The following MYO7A variants were observed in gnomAD, a reference collection of about 807,000 sequenced individuals.
MYO7A encodes myosin VIIA.
Under a neutral mutation model 263.8 loss-of-function variants are expected in MYO7A, and 210 were observed. That is an observed-to-expected ratio of 0.80 (90% CI 0.71 to 0.89). The LOEUF (loss-of-function observed/expected upper bound fraction) is 0.89. Ranked by LOEUF, MYO7A falls within the 40% of genes least tolerant of loss-of-function variation. The pLI, the probability that MYO7A is intolerant of heterozygous loss-of-function variation, is 0.00. For synonymous variants in MYO7A, 1,239 were observed against 1,197.3 expected, an observed-to-expected ratio of 1.03 and a Z score of -0.72; for missense variants, 2,820 against 2,968.3, an observed-to-expected ratio of 0.95 and a Z score of 1.16.
In MYO7A at chr11:77,156,020, C is replaced by T. The variant is rs782665405; in HGVS notation, c.399C>T (p.His133=). The part of the protein sequence containing the change: ...TNKKIGEMPP[H]IFAIADNCYF... ...AGAAGATTGGGGAGATGCCCCCCCA[C>T]ATCTTTGCCATTGCTGACAACTGCT... Residue 133 remains histidine, a synonymous_variant, in exon 5 of 49, where the codon CAC becomes CAT. Coordinates refer to ENST00000409709, the MANE Select transcript of MYO7A (RefSeq NM_000260.4). The T allele has an allele frequency of 1.2e-6, 2 of 1,613,958 alleles. No individual in the cohort carries two copies. The highest frequency in any genetic ancestry group is 3.3e-5 in the Admixed American group (2 of 60,020).
intron 3 of MYO7A, among the ~76,000 whole-genome samples, chr11:77,143,394 T>A (rs1319531025): frequency 6.6e-6 from 1 of 152,242 alleles, no homozygotes; most frequent in Non-Finnish European, 1.5e-5. Flanking sequence ...ACTGTCCACC[T>A]TGACACTGCT....
chr11:77,140,401 C>T (rs1008314593), intron 2 of MYO7A, among the ~76,000 whole-genome samples: 1 of 152,256 alleles, frequency 6.6e-6, no homozygotes, highest in Non-Finnish European at 1.5e-5. Flanking sequence ...TTTGTCAGAC[C>T]TGGGCTTCAG....
rs547211442 is a variant in MYO7A at position 77,141,464 on chromosome 11, C to T, written c.19-1245C>T. Among the ~76,000 whole-genome samples, 3 of 152,076 alleles carry T rather than the reference C, an allele frequency of 2.0e-5. No homozygotes were observed. The South Asian group carries it at 6.2e-4, about 32-fold the overall frequency. ...TTATAAGTTGTTACATTTTTTTTTA[C>T]TTGATATTAAGTTATATTCTTATTA... On this transcript the variant is annotated intron_variant, in intron 2 of 48. Transcript: ENST00000409709.
chr11:77,207,580 C>G (rs1478840588), intron 42 of MYO7A, among the ~76,000 whole-genome samples, 178 bp downstream of exon 42: 1 of 152,196 alleles, frequency 6.6e-6, no homozygotes, highest in Admixed American at 6.5e-5. Context: ...CCAGCTCTCT[C>G]TCTTCTGAGG....
chr11:77,213,832 C>T (rs777202056), intron 47 of MYO7A, 28 bp from the exon 48 acceptor site: 4 of 1,613,870 alleles, frequency 2.5e-6, no homozygotes, highest in Non-Finnish European at 2.5e-6. Flanking sequence ...CCAGGCCGTG[C>T]CTCTCTATGC....
chr11:77,166,164 T>C lies in MYO7A; in HGVS notation c.1797+2T>C. On this transcript the variant is annotated splice_donor_variant, in intron 15 of 48. Coordinates refer to ENST00000409709, the MANE Select transcript of MYO7A (RefSeq NM_000260.4). LOFTEE classifies it high-confidence loss of function. ...ATCTTCCAGGCCGATGTCGCCATGG[T>C]AAGCCGGGTGCGGTTTCTGTTGTTC... 2 of 1,613,536 alleles carry C rather than the reference T, an allele frequency of 1.2e-6. No homozygotes were observed. Among genetic ancestry groups the C allele is most frequent in the Non-Finnish European group, 1.7e-6 (2 of 1,179,598 alleles).
At chr11:77,176,118 C>T (rs1565394318) in intron 18 of MYO7A, among the ~76,000 whole-genome samples, 2 of 152,222 alleles carry the variant, frequency 1.3e-5, no homozygotes, top group South Asian at 4.1e-4. Flanking sequence ...CTGGCTGTCC[C>T]GGATGACAGG....
At chr11:77,207,179 G>T in intron 41 of MYO7A, 110 bp from the exon 42 acceptor site, 1 of 679,906 alleles carries the variant, frequency 1.5e-6, no homozygotes, top group Admixed American at 2.6e-5. Context: ...CCACAGGAGG[G>T]TGTCTGGCAC....
At chr11:77,180,900 A>G (rs970525331) in intron 22 of MYO7A, among the ~76,000 whole-genome samples, 1 of 152,220 alleles carries the variant, frequency 6.6e-6, no homozygotes, top group Non-Finnish European at 1.5e-5. Flanking sequence ...TTGGTGGGGG[A>G]AAAATGAATA....
chr11:77,184,806 C>T, intron 27 of MYO7A, 91 bp downstream of exon 27: 1 of 1,555,914 alleles, frequency 6.4e-7, no homozygotes, highest in South Asian at 1.2e-5. Flanking sequence ...TTAAGCCAAG[C>T]AGGCCTGGGT....
chr11:77,182,328 G>C, intron 24 of MYO7A, 96 bp from the exon 25 acceptor site: 1 of 1,453,298 alleles, frequency 6.9e-7, no homozygotes, highest in Non-Finnish European at 9.2e-7. Flanking sequence ...CATGCGGGAG[G>C]GGGTGTCTCC....
intron 12 of MYO7A, 110 bp from the exon 13 acceptor site, chr11:77,162,010 T>C: frequency 2.0e-6 from 2 of 1,006,732 alleles, no homozygotes; most frequent in South Asian, 3.1e-5. Flanking sequence ...TTGGAGTCCA[T>C]GATGGGGATA....
At chr11:77,187,124 G>A (rs1247141590) in intron 27 of MYO7A, among the ~76,000 whole-genome samples, 1 of 152,076 alleles carries the variant, frequency 6.6e-6, no homozygotes, top group Non-Finnish European at 1.5e-5. Context: ...CACGATTCAT[G>A]GTGCACAAAA....
intron 28 of MYO7A, 28 bp from the exon 29 acceptor site, chr11:77,189,992 G>A: frequency 1.3e-6 from 2 of 1,498,054 alleles, no homozygotes; most frequent in Non-Finnish European, 8.9e-7. Flanking sequence ...AGCCCCAGGG[G>A]CCGCCTCAGC....
chr11:77,213,606 G>A (rs895541935), intron 47 of MYO7A, among the ~76,000 whole-genome samples: 1 of 152,172 alleles, frequency 6.6e-6, no homozygotes, highest in Non-Finnish European at 1.5e-5. Flanking sequence ...AGGCCACGGT[G>A]TCAGTTCCCT....
chr11:77,132,168 C>T (rs1035672012), intron 2 of MYO7A, among the ~76,000 whole-genome samples: 16 of 152,054 alleles, frequency 1.1e-4, no homozygotes, highest in Non-Finnish European at 2.1e-4. Flanking sequence ...GCCTGGCTGA[C>T]TTCTGCTCAG....
At chr11:77,158,604 T>C (rs1952711524) in intron 9 of MYO7A, among the ~76,000 whole-genome samples, 174 bp downstream of exon 9, 1 of 152,174 alleles carries the variant, frequency 6.6e-6, no homozygotes, top group African/African-American at 2.4e-5. Flanking sequence ...TAGATTGAAA[T>C]CAGCGGTGGG....
chr11:77,195,927 G>A (rs756640711), intron 32 of MYO7A, among the ~76,000 whole-genome samples: 6 of 152,200 alleles, frequency 3.9e-5, no homozygotes, highest in Admixed American at 2.0e-4. Context: ...TTCTCCTCTC[G>A]GCCTGCAGAT....
intron 2 of MYO7A, among the ~76,000 whole-genome samples, chr11:77,142,087 G>A (rs782408556): frequency 2.1e-4 from 32 of 152,304 alleles, no homozygotes; most frequent in Non-Finnish European, 4.0e-4. Context: ...TGGCTCTCAC[G>A]ATCCCTTGCT....
Sources: gnomAD v4.1 joint callset for allele counts (sites outside exome capture counted in the v4.1 genomes callset) on GRCh38, gnomAD v4.1.1 for gene constraint, MANE v1.5 for transcripts, NCBI Gene and HGNC (gene_info 2026-07-23, HGNC 2026-07-21) for gene names.